CSMD3: variants seen among roughly 807,000 people sequenced by gnomAD.
CSMD3 encodes CUB and sushi domain-containing protein 3.
CSMD3 carries 177 observed loss-of-function variants against 435.2 expected under a neutral mutation model. That is an observed-to-expected ratio of 0.41 (90% CI 0.36 to 0.46). The LOEUF is 0.46. CSMD3 is among the 20% of genes least tolerant of loss of function. The pLI is 0.34. For synonymous variants in CSMD3, 1,656 were observed against 1,520.5 expected (o/e 1.09, Z -2.07); for missense variants, 4,265 against 4,504.6 (o/e 0.95, Z 1.52).
intron 32 of CSMD3, among the ~76,000 whole-genome samples, chr8:112,428,556 G>A (rs1005444885): frequency 6.6e-6 from 1 of 152,168 alleles, no homozygotes; most frequent in Non-Finnish European, 1.5e-5. Context: ...TCCTGGAGCT[G>A]AGAATATACA....
intron 32 of CSMD3, among the ~76,000 whole-genome samples, chr8:112,418,696 G>C (rs913749400): frequency 6.6e-6 from 1 of 152,072 alleles, no homozygotes; most frequent in African/African-American, 2.4e-5. Context: ...AAATCAATGA[G>C]CTACTGTTTT....
intron 17 of CSMD3, among the ~76,000 whole-genome samples, chr8:112,661,773 G>T (rs2075386041): frequency 6.6e-6 from 1 of 151,984 alleles, no homozygotes; most frequent in African/African-American, 2.4e-5. Flanking sequence ...CAGCTAGAAG[G>T]TGGGGAAGGG....
intron 12 of CSMD3, among the ~76,000 whole-genome samples, chr8:112,804,528 G>T (rs2079033943): frequency 6.6e-6 from 1 of 152,094 alleles, no homozygotes; most frequent in South Asian, 2.1e-4. Flanking sequence ...AGGGAATCAG[G>T]AAAGCCCAGA....
At chr8:113,137,097 G>T (rs191245841) in intron 4 of CSMD3, among the ~76,000 whole-genome samples, 4 of 151,712 alleles carry the variant, frequency 2.6e-5, no homozygotes, top group Admixed American at 1.3e-4. Flanking sequence ...GAGTAATAAA[G>T]ATTCAGATAA....
chr8:112,801,283 G>A (rs2078956179), intron 12 of CSMD3, among the ~76,000 whole-genome samples: 1 of 151,970 alleles, frequency 6.6e-6, no homozygotes, highest in Non-Finnish European at 1.5e-5. Context: ...GAATACACCA[G>A]CAGAGGGCAG....
intron 3 of CSMD3, 126 bp from the exon 4 acceptor site, chr8:113,174,042 A>T: frequency 1.4e-6 from 1 of 733,884 alleles, no homozygotes; most frequent in Non-Finnish European, 2.3e-6. Flanking sequence ...CACTGAAAGG[A>T]ACTGTCTTCT....
At chr8:113,054,082 C>T (rs1374436699) in intron 5 of CSMD3, among the ~76,000 whole-genome samples, 3 of 152,118 alleles carry the variant, frequency 2.0e-5, no homozygotes, top group Non-Finnish European at 4.4e-5. Context: ...CTTTAGTTCA[C>T]TCTTGTTATG....
chr8:112,620,060 T>C (rs1310386612), intron 22 of CSMD3, among the ~76,000 whole-genome samples: 1 of 152,006 alleles, frequency 6.6e-6, no homozygotes, highest in African/African-American at 2.4e-5. Context: ...GGGGGTATAG[T>C]GACTCAAAAT....
chr8:112,689,121 A>T (rs188376107), intron 14 of CSMD3, among the ~76,000 whole-genome samples: 5 of 152,186 alleles, frequency 3.3e-5, no homozygotes, highest in Admixed American at 3.3e-4. Flanking sequence ...AACTAAAACA[A>T]AAGGGGACTG....
chr8:113,196,173 TG>T (rs1258073662), intron 3 of CSMD3, among the ~76,000 whole-genome samples: 3 of 151,186 alleles, frequency 2.0e-5, no homozygotes. Flanking sequence ...AAATGTTTTT[TG>T]TACTCCTCTT....
At chr8:112,907,101 CA>C (rs893244786) in intron 10 of CSMD3, among the ~76,000 whole-genome samples, 1 of 151,384 alleles carries the variant, frequency 6.6e-6, no homozygotes, top group Non-Finnish European at 1.5e-5. Flanking sequence ...TCAGAAAAGA[CA>C]AATCAGAAAA....
intron 12 of CSMD3, among the ~76,000 whole-genome samples, chr8:112,818,527 A>C (rs2079441634): frequency 1.3e-5 from 2 of 152,216 alleles, no homozygotes; most frequent in African/African-American, 4.8e-5. Flanking sequence ...AAAATGTCTA[A>C]ATGAAAACTA....
intron 12 of CSMD3, among the ~76,000 whole-genome samples, chr8:112,824,825 T>C (rs1376987159): frequency 6.6e-6 from 1 of 152,144 alleles, no homozygotes; most frequent in Non-Finnish European, 1.5e-5. Flanking sequence ...GTGTTCTCTG[T>C]ATTTCCTGAA....
chr8:112,613,599 C>T (rs1232920135), intron 22 of CSMD3, among the ~76,000 whole-genome samples: 1 of 152,126 alleles, frequency 6.6e-6, no homozygotes, highest in East Asian at 1.9e-4. Flanking sequence ...AAATACCCTC[C>T]AGCCTTTGGC....
At chr8:112,898,350 T>A (rs1033904527) in intron 10 of CSMD3, among the ~76,000 whole-genome samples, 27 of 151,250 alleles carry the variant, frequency 1.8e-4, no homozygotes, top group African/African-American at 6.3e-4. Flanking sequence ...TTTGCATTCA[T>A]AAAATTTATC....
chr8:112,247,162 T>C, intron 63 of CSMD3, 31 bp from the exon 64 acceptor site: 3 of 1,370,974 alleles, frequency 2.2e-6, no homozygotes, highest in South Asian at 1.2e-5. Context: ...GAAAAAAATA[T>C]TCCCCTACAA....
At chr8:113,409,486 A>C (rs1277606272) in intron 1 of CSMD3, among the ~76,000 whole-genome samples, 1 of 152,136 alleles carries the variant, frequency 6.6e-6, no homozygotes, top group Non-Finnish European at 1.5e-5. Context: ...GGAGAGACGC[A>C]TTGTAAACTC....
chr8:112,623,389 CA>C (rs1004546876), intron 22 of CSMD3, among the ~76,000 whole-genome samples: 1 of 151,686 alleles, frequency 6.6e-6, no homozygotes, highest in Non-Finnish European at 1.5e-5. Flanking sequence ...TCCTTCCACA[CA>C]AAAAAAATAC....
At chr8:112,896,571 TC>T (rs5894116) in intron 10 of CSMD3, among the ~76,000 whole-genome samples, 120,604 of 151,196 alleles carry the variant, frequency 0.8, 48,893 homozygotes, top group East Asian at 0.93. Context: ...TCTTATAGAT[TC>T]TTTTCCTACT....
Sources: gnomAD v4.1 joint callset for allele counts (sites outside exome capture counted in the v4.1 genomes callset) on GRCh38, gnomAD v4.1.1 for gene constraint, MANE v1.5 for transcripts, NCBI Gene and HGNC (gene_info 2026-07-23, HGNC 2026-07-21) for gene names.